Variants in HEMK2 observed in about 807,000 individuals in gnomAD.
The protein encoded by HEMK2 is methyltransferase HEMK2.
chr21:28,595,815 C>T, the HEMK2 span, among the ~76,000 whole-genome samples: 4 of 144,398 alleles, frequency 2.8e-5, no homozygotes, highest in South Asian at 2.2e-4. Flanking sequence ...GACAGAGTTT[C>T]GCTCTGTCAC....
At chr21:28,882,129 G>T in the HEMK2 span, 1 of 1,526,692 alleles carries the variant, frequency 6.6e-7, no homozygotes, top group African/African-American at 1.4e-5. Context: ...TATTTGAAAA[G>T]AAAATTATTA....
chr21:28,698,212 G>T, the HEMK2 span, among the ~76,000 whole-genome samples: 1 of 152,188 alleles, frequency 6.6e-6, no homozygotes, highest in Non-Finnish European at 1.5e-5. Flanking sequence ...TTTAGCTGGA[G>T]CATGAGCTCT....
At chr21:28,827,298 G>T in the HEMK2 span, among the ~76,000 whole-genome samples, 3 of 152,152 alleles carry the variant, frequency 2.0e-5, no homozygotes, top group Admixed American at 6.5e-5. Context: ...CCCCAGCCTT[G>T]TATTATTCTC....
At chr21:28,669,290 C>T in the HEMK2 span, among the ~76,000 whole-genome samples, 2 of 150,612 alleles carry the variant, frequency 1.3e-5, no homozygotes, top group East Asian at 2.0e-4. Flanking sequence ...ACCCAAGAGG[C>T]GGGGGCTGCA....
At chr21:28,885,179 C>T in the HEMK2 span, 6 of 1,527,728 alleles carry the variant, frequency 3.9e-6, no homozygotes, top group East Asian at 1.3e-4. Context: ...AAGCCGCAAC[C>T]CTTTCCCGTC....
At chr21:28,780,961 G>C in the HEMK2 span, among the ~76,000 whole-genome samples, 19,616 of 152,136 alleles carry the variant, frequency 0.13, 2,246 homozygotes, top group African/African-American at 0.3. Flanking sequence ...ATCCTGCAGT[G>C]AAGACTTTTC....
the HEMK2 span, among the ~76,000 whole-genome samples, chr21:28,780,034 C>G: frequency 3.0e-4 from 46 of 152,150 alleles, no homozygotes; most frequent in Admixed American, 2.8e-3. Context: ...ACTGAAACCT[C>G]CCATAGCAGG....
chr21:28,594,942 C>T, the HEMK2 span, among the ~76,000 whole-genome samples: 5 of 152,120 alleles, frequency 3.3e-5, no homozygotes, highest in East Asian at 1.9e-4. Flanking sequence ...TTATTGGCAC[C>T]GAAGCAGAAT....
At chr21:28,765,145 G>A in the HEMK2 span, among the ~76,000 whole-genome samples, 1 of 152,082 alleles carries the variant, frequency 6.6e-6, no homozygotes. Flanking sequence ...AGAAGAAAGA[G>A]TGACCTCCAG....
At chr21:28,581,595 T>C in the HEMK2 span, among the ~76,000 whole-genome samples, 1 of 152,200 alleles carries the variant, frequency 6.6e-6, no homozygotes, top group Non-Finnish European at 1.5e-5. Flanking sequence ...AGCCTGTTCT[T>C]CCTGAGCAAT....
At chr21:28,633,628 A>C in the HEMK2 span, among the ~76,000 whole-genome samples, 1 of 152,194 alleles carries the variant, frequency 6.6e-6, no homozygotes, top group Non-Finnish European at 1.5e-5. Flanking sequence ...ATTTCAGAAT[A>C]TAACAGGAAC....
chr21:28,748,398 C>G, the HEMK2 span, among the ~76,000 whole-genome samples: 3 of 152,224 alleles, frequency 2.0e-5, no homozygotes, highest in Admixed American at 2.0e-4. Flanking sequence ...AAAAAGTCTT[C>G]TAGATAACAA....
the HEMK2 span, among the ~76,000 whole-genome samples, chr21:28,676,582 G>C: frequency 6.6e-6 from 1 of 152,270 alleles, no homozygotes; most frequent in Non-Finnish European, 1.5e-5. Flanking sequence ...ACTCCAACTG[G>C]CCTGCACACT....
At chr21:28,719,538 T>A in the HEMK2 span, among the ~76,000 whole-genome samples, 15 of 152,208 alleles carry the variant, frequency 9.9e-5, no homozygotes, top group African/African-American at 3.6e-4. Flanking sequence ...CATGCTGAAC[T>A]GTGAGTCCAT....
the HEMK2 span, among the ~76,000 whole-genome samples, chr21:28,692,284 A>G: frequency 9.9e-5 from 15 of 152,272 alleles, no homozygotes; most frequent in Non-Finnish European, 2.1e-4. Context: ...ATGAGATACT[A>G]ATGGAAGCAA....
chr21:28,794,877 G>A, the HEMK2 span, among the ~76,000 whole-genome samples: 1 of 152,160 alleles, frequency 6.6e-6, no homozygotes, highest in Non-Finnish European at 1.5e-5. Flanking sequence ...ATGCTCATGG[G>A]ATGGTTCCAG....
the HEMK2 span, among the ~76,000 whole-genome samples, chr21:28,744,756 T>C: frequency 1.3e-4 from 20 of 152,216 alleles, no homozygotes; most frequent in Non-Finnish European, 2.4e-4. Context: ...GAGAGCTATT[T>C]TAGATAAACA....
chr21:28,746,609 T>C, the HEMK2 span, among the ~76,000 whole-genome samples: 1 of 151,386 alleles, frequency 6.6e-6, no homozygotes, highest in East Asian at 1.9e-4. Context: ...TGATAGAAAG[T>C]GACTGAGAGG....
At chr21:28,666,447 C>G in the HEMK2 span, among the ~76,000 whole-genome samples, 1 of 152,186 alleles carries the variant, frequency 6.6e-6, no homozygotes, top group South Asian at 2.1e-4. Flanking sequence ...ATCCAACATG[C>G]AAACAAGAAA....
Sources: gnomAD v4.1 joint callset for allele counts (sites outside exome capture counted in the v4.1 genomes callset) on GRCh38, gnomAD v4.1.1 for gene constraint, MANE v1.5 for transcripts, NCBI Gene and HGNC (gene_info 2026-07-23, HGNC 2026-07-21) for gene names.